The following CACNA2D3 variants were observed in gnomAD, a reference collection of about 807,000 sequenced individuals.
The protein encoded by CACNA2D3 is calcium voltage-gated channel auxiliary subunit alpha2delta 3, also known as voltage-dependent calcium channel subunit alpha-2/delta-3.
CACNA2D3 carries 60 observed loss-of-function variants against 160.6 expected under a neutral mutation model. That is an observed-to-expected ratio of 0.37 (90% CI 0.30 to 0.46). CACNA2D3 has a LOEUF of 0.46. CACNA2D3 is among the 20% of genes least tolerant of loss of function. CACNA2D3 has a pLI of 1.00. For missense variants in CACNA2D3, 1,205 were observed against 1,365.0 expected (o/e 0.88, Z 1.85); for synonymous variants, 558 against 492.9 (o/e 1.13, Z -1.75).
chr3:54,379,234 C>T (rs1013990139), intron 3 of CACNA2D3, among the ~76,000 whole-genome samples: 3 of 152,128 alleles, frequency 2.0e-5, no homozygotes, highest in Admixed American at 6.5e-5. Flanking sequence ...AAAGCAGAAG[C>T]AATTTTTGCA....
intron 35 of CACNA2D3, among the ~76,000 whole-genome samples, chr3:55,063,648 G>T (rs186288441): frequency 2.6e-4 from 39 of 152,254 alleles, no homozygotes; most frequent in Non-Finnish European, 3.5e-4. Flanking sequence ...TTGGGGCTGG[G>T]ATGGTTGAAC....
chr3:55,069,996 TCA>T (rs1478560176), intron 35 of CACNA2D3, among the ~76,000 whole-genome samples: 3 of 69,292 alleles, frequency 4.3e-5, no homozygotes, highest in African/African-American at 2.0e-4. Context: ...TTGGTTATCT[TCA>T]CAGTTTAATT....
chr3:54,268,656 C>T (rs557412399), intron 2 of CACNA2D3, among the ~76,000 whole-genome samples: 89 of 152,234 alleles, frequency 5.8e-4, no homozygotes, highest in Non-Finnish European at 1.1e-3. Flanking sequence ...GTGTTCTACC[C>T]GCTTGGCCTC....
At chr3:54,538,674 A>G (rs922936144) in intron 5 of CACNA2D3, among the ~76,000 whole-genome samples, 3 of 152,102 alleles carry the variant, frequency 2.0e-5, no homozygotes, top group Admixed American at 6.5e-5. Flanking sequence ...TGAGGGATTC[A>G]CTGTCCTCCC....
chr3:54,956,726 A>G (rs1418732119), intron 27 of CACNA2D3, among the ~76,000 whole-genome samples: 1 of 152,182 alleles, frequency 6.6e-6, no homozygotes. Flanking sequence ...CAAATCAGTC[A>G]TCATTACCTA....
intron 35 of CACNA2D3, among the ~76,000 whole-genome samples, chr3:55,019,539 A>G (rs72866969): frequency 0.11 from 16,929 of 152,154 alleles, 1,064 homozygotes; most frequent in African/African-American, 0.16. Flanking sequence ...TAAATAGTAT[A>G]TACTTAAAAC....
intron 14 of CACNA2D3, among the ~76,000 whole-genome samples, chr3:54,831,758 C>T (rs9810806): frequency 0.017 from 2,653 of 152,198 alleles, 71 homozygotes; most frequent in African/African-American, 0.06. Flanking sequence ...TTGTACATGG[C>T]ACTTGGGACC....
chr3:54,404,280 CAAG>C (rs1477162973), intron 4 of CACNA2D3, among the ~76,000 whole-genome samples: 1 of 152,072 alleles, frequency 6.6e-6, no homozygotes. Context: ...AAGAACAAAT[CAAG>C]AAGATTATAC....
At chr3:54,256,209 T>C (rs983854454) in intron 2 of CACNA2D3, among the ~76,000 whole-genome samples, 1 of 152,166 alleles carries the variant, frequency 6.6e-6, no homozygotes, top group Non-Finnish European at 1.5e-5. Context: ...TGGTCAAAAG[T>C]GCTATGTGAA....
At chr3:54,825,099 T>C (rs1190709279) in intron 14 of CACNA2D3, among the ~76,000 whole-genome samples, 1 of 152,176 alleles carries the variant, frequency 6.6e-6, no homozygotes, top group African/African-American at 2.4e-5. Flanking sequence ...ATGACTCTTT[T>C]AAGGTGCTAA....
chr3:54,320,158 G>A (rs749230274), intron 2 of CACNA2D3, among the ~76,000 whole-genome samples: 12 of 152,210 alleles, frequency 7.9e-5, no homozygotes, highest in Non-Finnish European at 1.8e-4. Context: ...AACTGTGGGT[G>A]AAATCAGTCC....
At chr3:54,442,127 A>G (rs1009974069) in intron 4 of CACNA2D3, among the ~76,000 whole-genome samples, 1 of 152,104 alleles carries the variant, frequency 6.6e-6, no homozygotes, top group African/African-American at 2.4e-5. Context: ...TAAATTGTTG[A>G]TATGGACTTA....
intron 2 of CACNA2D3, among the ~76,000 whole-genome samples, chr3:54,211,834 T>C (rs562511895): frequency 5.1e-4 from 78 of 152,332 alleles, no homozygotes; most frequent in Middle Eastern, 3.4e-3. Flanking sequence ...TATTATAAAA[T>C]GTAACTTATT....
intron 9 of CACNA2D3, among the ~76,000 whole-genome samples, chr3:54,585,366 C>G (rs886808851): frequency 6.6e-6 from 1 of 151,596 alleles, no homozygotes; most frequent in African/African-American, 2.4e-5. Context: ...ACTAAGAAAA[C>G]AATACAGAGA....
At chr3:54,747,591 A>G (rs1701776206) in intron 11 of CACNA2D3, among the ~76,000 whole-genome samples, 1 of 152,132 alleles carries the variant, frequency 6.6e-6, no homozygotes, top group African/African-American at 2.4e-5. Context: ...AAAAAAGGAA[A>G]AGTGGCTTGC....
Position 54,652,304 on chromosome 3 carries a change from C to T in CACNA2D3, c.1167+10063C>T, listed in dbSNP as rs142649850. Among the ~76,000 whole-genome samples the T allele has an allele frequency of 4.9e-4, 74 of 152,272 alleles. 1 individual carries two copies. The highest frequency in any genetic ancestry group is 6.8e-3 in the Middle Eastern group (2 of 294). ...ATGCAACAGGTATTTATTGAGGGCC[C>T]GCTGTGTCTCGCAGTCCATTGTAAT... On this transcript the variant is annotated intron_variant, in intron 11 of 37. Transcript: ENST00000474759.
At chr3:54,932,182 AAAT>A (rs1007681030) in intron 27 of CACNA2D3, among the ~76,000 whole-genome samples, 5 of 152,172 alleles carry the variant, frequency 3.3e-5, no homozygotes, top group African/African-American at 1.2e-4. Flanking sequence ...CTGTCTCAAA[AAAT>A]AATAATAATA....
chr3:54,149,750 ACAG>A (rs1371397186), intron 2 of CACNA2D3, among the ~76,000 whole-genome samples: 2 of 152,124 alleles, frequency 1.3e-5, no homozygotes, highest in Non-Finnish European at 2.9e-5. Flanking sequence ...TTGGGTACCC[ACAG>A]CAGTGTACCT....
rs116214912 is a variant in CACNA2D3, at chr3:54,507,566, T to C, written c.544+3912T>C. Among the ~76,000 whole-genome samples the C allele has an allele frequency of 2.8e-3, 426 of 152,300 alleles. 3 individuals are homozygous for C. The highest frequency in any genetic ancestry group is 9.8e-3 in the African/African-American group (407 of 41,568). ...CACCTGTGCCTCCTGGGCTATGAGA[T>C]GTCATCCAGGGCTGTGGTGTTTTCA... On this transcript the variant is annotated intron_variant, in intron 5 of 37. Coordinates refer to ENST00000474759, the MANE Select transcript of CACNA2D3 (RefSeq NM_018398.3).
Sources: gnomAD v4.1 joint callset for allele counts (sites outside exome capture counted in the v4.1 genomes callset) on GRCh38, gnomAD v4.1.1 for gene constraint, MANE v1.5 for transcripts, NCBI Gene and HGNC (gene_info 2026-07-23, HGNC 2026-07-21) for gene names.